Variants in ABCA5 observed in about 807,000 individuals in gnomAD.
ABCA5 encodes the protein cholesterol transporter ABCA5.
In ABCA5, 163 loss-of-function variants were observed where a neutral mutation model predicts 206.0. The ratio of observed to expected loss-of-function variants is 0.79; its 90% CI spans 0.70 to 0.90. The LOEUF is 0.90. ABCA5 is among the 40% of genes least tolerant of loss of function. The probability of loss-of-function intolerance (pLI) is 0.00; values close to 1 mark genes in which losing one functional copy is unlikely to be tolerated. For missense variants in ABCA5, 1,859 were observed against 1,912.9 expected (o/e 0.97, Z 0.53); for synonymous variants, 609 against 613.8 (o/e 0.99, Z 0.11).
intron 14 of ABCA5, among the ~76,000 whole-genome samples, chr17:69,288,702 C>T (rs2075488769): frequency 8.1e-6 from 1 of 123,438 alleles, no homozygotes; most frequent in Non-Finnish European, 1.6e-5. Flanking sequence ...CTCGTCTCTA[C>T]AAATTAAAAA....
At chr17:69,275,222 T>G (rs1215312781) in intron 19 of ABCA5, among the ~76,000 whole-genome samples, 2 of 152,232 alleles carry the variant, frequency 1.3e-5, no homozygotes, top group East Asian at 3.8e-4. Context: ...TCTGAATGGC[T>G]GATATCTTTG....
rs749320449 is a variant in ABCA5 at position 69,250,658 on chromosome 17, A to G, written c.4536-37T>C. ...TTTTAAAAGAAAGCTCAGATATAAA[A>G]TGACAGCTTCAAAGAATAATCTCTC... On this transcript the variant is annotated intron_variant, in intron 35 of 38. Transcript: ENST00000392676. The G allele has an allele frequency of 2.7e-5, 39 of 1,465,480 alleles. 1 individual carries two copies. Among genetic ancestry groups the G allele is most frequent in the Admixed American group, 4.8e-5 (2 of 41,948 alleles). 90.8% of individuals were successfully genotyped at this position (1,465,480 alleles called of 1,614,324 possible). A position where few individuals can be genotyped will look rare whatever the true frequency, so the allele number is the denominator to read the frequency against.
At chr17:69,249,834 A>G (rs973811628) in intron 37 of ABCA5, 71 bp downstream of exon 37, 1 of 1,465,706 alleles carries the variant, frequency 6.8e-7, no homozygotes, top group Non-Finnish European at 9.2e-7. Flanking sequence ...TCCAGCTTAA[A>G]AAAAGATTGT....
rs961440085 is a variant in ABCA5 at position 69,245,105 on chromosome 17, C to T, written c.*2432G>A. ...TAATGATTAAAACCAAAATACTGAC[C>T]TAAGATAATTTGTGCAAATTTAAAA... On this transcript the variant is annotated 3_prime_UTR_variant, in exon 39 of 39. Transcript: ENST00000392676. 5 of 150,924 alleles carry T rather than the reference C, an allele frequency of 3.3e-5. No homozygotes were observed. Among genetic ancestry groups the T allele is most frequent in the African/African-American group, 1.2e-4 (5 of 41,168 alleles). The allele number at this position is 150,924 out of a possible 1,614,324, so 9.3% of individuals were successfully genotyped here.
chr17:69,304,897 A>C, intron 6 of ABCA5, 87 bp from the exon 7 acceptor site: 1 of 1,261,522 alleles, frequency 7.9e-7, no homozygotes. Flanking sequence ...TTTAGATTTT[A>C]GCCATTTTAT....
intron 28 of ABCA5, among the ~76,000 whole-genome samples, 156 bp from the exon 29 acceptor site, chr17:69,256,439 T>TC (rs1279725509): frequency 1.5e-4 from 23 of 149,718 alleles, no homozygotes; most frequent in Non-Finnish European, 7.5e-5. Flanking sequence ...TATTTCTTTT[T>TC]TTTTCTTTCT....
chr17:69,305,811 C>T (rs933226488), intron 6 of ABCA5, among the ~76,000 whole-genome samples: 1 of 152,110 alleles, frequency 6.6e-6, no homozygotes, highest in Non-Finnish European at 1.5e-5. Flanking sequence ...TTTGAGGCCA[C>T]AGTGACCCAT....
chr17:69,258,997 T>C (rs2075115511), intron 28 of ABCA5, among the ~76,000 whole-genome samples: 1 of 151,978 alleles, frequency 6.6e-6, no homozygotes, highest in Non-Finnish European at 1.5e-5. Flanking sequence ...CCCTAAAACA[T>C]TCCTAGCGGG....
chr17:69,279,205 A>G (rs1253276944), intron 18 of ABCA5, among the ~76,000 whole-genome samples: 2 of 152,232 alleles, frequency 1.3e-5, no homozygotes, highest in Admixed American at 6.5e-5. Flanking sequence ...ATACAAAATC[A>G]ATGTGCAAAA....
At chr17:69,324,218 T>C (rs1455747778) in intron 1 of ABCA5, among the ~76,000 whole-genome samples, 2 of 152,152 alleles carry the variant, frequency 1.3e-5, no homozygotes, top group African/African-American at 2.4e-5. Context: ...TTAGACACTG[T>C]CACTAACTTT....
At chr17:69,249,644 T>G (rs561683112) in intron 37 of ABCA5, 7 of 414,440 alleles carry the variant, frequency 1.7e-5, no homozygotes, top group Non-Finnish European at 2.6e-5. Context: ...ATAGAGTTTA[T>G]CTACAAAATC....
chr17:69,274,480 T>C (rs951718593), intron 19 of ABCA5, among the ~76,000 whole-genome samples: 2 of 151,828 alleles, frequency 1.3e-5, no homozygotes, highest in Non-Finnish European at 2.9e-5. Context: ...TGCCTCAGCC[T>C]CCCAAAGTGC....
chr17:69,323,616 ATTAT>A (rs2075880138), intron 1 of ABCA5, among the ~76,000 whole-genome samples: 1 of 152,206 alleles, frequency 6.6e-6, no homozygotes, highest in African/African-American at 2.4e-5. Context: ...CCCTGTCACC[ATTAT>A]TTATTTATAT....
In ABCA5 at chr17:69,247,648, G is replaced by A. The variant is rs2074966187; in HGVS notation, c.4822-4C>T. The A allele has an allele frequency of 6.4e-7, 1 of 1,571,230 alleles. No individual in the cohort carries two copies. The highest frequency in any genetic ancestry group is 8.7e-7 in the Non-Finnish European group (1 of 1,149,632). On this transcript the variant is annotated splice_region_variant and splice_polypyrimidine_tract_variant and intron_variant, in intron 38 of 38. Transcript: ENST00000392676. ...CTTTAGTGAGTTCTACAAAAACCTA[G>A]GTGAAAAGAAATAAATGAATACAGT...
rs1294818296 is a variant in ABCA5, at chr17:69,303,841, C to T, written c.930+828G>A. Among the ~76,000 whole-genome samples the T allele has an allele frequency of 3.5e-3, 78 of 22,036 alleles. 27 individuals carry two copies. The highest frequency in any genetic ancestry group is 0.032 in the East Asian group (17 of 526). The allele number at this position is 22,036 out of a possible 152,430, so 14.5% of individuals were successfully genotyped here. ...ATATATATATGTATATATATATATA[C>T]ATACATATATATATGTATATATATA... On this transcript the variant is annotated intron_variant, in intron 7 of 38. Coordinates refer to ENST00000392676, the MANE Select transcript of ABCA5 (RefSeq NM_172232.4).
chr17:69,322,437 AAAGT>A (rs1053082453), intron 1 of ABCA5, among the ~76,000 whole-genome samples: 1 of 151,856 alleles, frequency 6.6e-6, no homozygotes, highest in African/African-American at 2.4e-5. Context: ...CACATCACTA[AAAGT>A]AATAAAAATG....
chr17:69,286,364 T>C (rs562817663), intron 15 of ABCA5, 53 bp from the exon 16 acceptor site: 3 of 1,475,394 alleles, frequency 2.0e-6, no homozygotes, highest in East Asian at 2.3e-5. Flanking sequence ...GCATTAATAA[T>C]TGGCATTTAC....
At chr17:69,272,672 T>A (rs985385953) in intron 20 of ABCA5, among the ~76,000 whole-genome samples, 38 of 152,094 alleles carry the variant, frequency 2.5e-4, no homozygotes, top group Middle Eastern at 3.4e-3. Flanking sequence ...AGAAAAAAAA[T>A]TGCAAAACCT....
chr17:69,285,604 T>C (rs946166991), intron 17 of ABCA5, among the ~76,000 whole-genome samples: 1 of 152,122 alleles, frequency 6.6e-6, no homozygotes, highest in Non-Finnish European at 1.5e-5. Context: ...CTACAAGCAA[T>C]TTCTTTTTTT....
Sources: gnomAD v4.1 joint callset for allele counts (sites outside exome capture counted in the v4.1 genomes callset) on GRCh38, gnomAD v4.1.1 for gene constraint, MANE v1.5 for transcripts, NCBI Gene and HGNC (gene_info 2026-07-23, HGNC 2026-07-21) for gene names.